The following MBD5 variants were observed in gnomAD, a reference collection of about 807,000 sequenced individuals.
The protein encoded by MBD5 is methyl-CpG binding domain protein 5.
Under a neutral mutation model 117.3 loss-of-function variants are expected in MBD5, and 13 were observed. The observed-to-expected ratio is 0.11, with a 90% CI of 0.07 to 0.18. The LOEUF (loss-of-function observed/expected upper bound fraction) is 0.18. Among genes scored for constraint, MBD5 ranks in the 10% least tolerant of loss-of-function variants. The probability of loss-of-function intolerance (pLI) is 1.00; values close to 1 mark genes in which losing one functional copy is unlikely to be tolerated. For synonymous variants in MBD5, 727 were observed against 766.4 expected (o/e 0.95, Z 0.85); for missense variants, 1,879 against 2,093.8 (o/e 0.90, Z 2.00).
At chr2:148,425,201 A>T (rs199562172) in intron 4 of MBD5, among the ~76,000 whole-genome samples, 26 of 152,226 alleles carry the variant, frequency 1.7e-4, no homozygotes, top group African/African-American at 5.1e-4. Context: ...TGATAAAGGG[A>T]ATATCACCAC....
At chr2:148,075,320 G>GAA (rs1695480320) in intron 1 of MBD5, among the ~76,000 whole-genome samples, 1 of 152,188 alleles carries the variant, frequency 6.6e-6, no homozygotes, top group South Asian at 2.1e-4. Flanking sequence ...TTTGAAACCA[G>GAA]AATGAGGGTC....
intron 4 of MBD5, among the ~76,000 whole-genome samples, chr2:148,425,013 A>T (rs1483891610): frequency 6.6e-6 from 1 of 152,218 alleles, no homozygotes; most frequent in East Asian, 1.9e-4. Flanking sequence ...AAGCTAGCAG[A>T]AGACAAGAAA....
intron 1 of MBD5, among the ~76,000 whole-genome samples, chr2:148,089,078 TTAAAG>T (rs1695870351): frequency 6.6e-6 from 1 of 152,022 alleles, no homozygotes; most frequent in African/African-American, 2.4e-5. Context: ...AAAACAGACT[TTAAAG>T]TAACAACAGT....
At chr2:148,396,493 T>C (rs552803387) in intron 4 of MBD5, among the ~76,000 whole-genome samples, 1 of 152,362 alleles carries the variant, frequency 6.6e-6, no homozygotes, top group African/African-American at 2.4e-5. Flanking sequence ...TTTTTTCCTT[T>C]TGTAGATTCC....
chr2:148,183,735 C>T (rs901648121), intron 2 of MBD5, among the ~76,000 whole-genome samples: 5 of 152,070 alleles, frequency 3.3e-5, no homozygotes, highest in African/African-American at 9.7e-5. Flanking sequence ...TTACTTCACA[C>T]GTCTTTTAAT....
intron 4 of MBD5, among the ~76,000 whole-genome samples, chr2:148,431,062 T>C (rs529216750): frequency 6.6e-6 from 1 of 152,234 alleles, no homozygotes; most frequent in African/African-American, 2.4e-5. Flanking sequence ...CCCCCTACTT[T>C]GGAGAGGAAC....
At chr2:148,442,278 A>T (rs1706351417) in intron 4 of MBD5, among the ~76,000 whole-genome samples, 1 of 151,338 alleles carries the variant, frequency 6.6e-6, no homozygotes, top group African/African-American at 2.5e-5. Context: ...AATAGTGTTC[A>T]TCATTCACTC....
intron 4 of MBD5, among the ~76,000 whole-genome samples, chr2:148,380,903 G>A (rs1704122077): frequency 6.6e-6 from 1 of 152,194 alleles, no homozygotes; most frequent in African/African-American, 2.4e-5. Flanking sequence ...ACCTGCAGCT[G>A]AGGGTCCTGA....
intron 11 of MBD5, among the ~76,000 whole-genome samples, chr2:148,502,095 T>C (rs1021911218): frequency 2.6e-5 from 4 of 152,234 alleles, no homozygotes; most frequent in African/African-American, 7.2e-5. Flanking sequence ...AGTCTGATAC[T>C]ACAGATTTGC....
chr2:148,499,809 CG>C (rs995748977), intron 11 of MBD5, among the ~76,000 whole-genome samples: 1 of 151,956 alleles, frequency 6.6e-6, no homozygotes, highest in African/African-American at 2.4e-5. Flanking sequence ...CCATTTTGGG[CG>C]GGGGTATCTT....
chr2:148,463,683 C>CT, intron 6 of MBD5, 56 bp from the exon 7 acceptor site: 1 of 1,587,664 alleles, frequency 6.3e-7, no homozygotes, highest in Non-Finnish European at 8.6e-7. Flanking sequence ...ACAAAGGGAT[C>CT]TTTTTATTAA....
chr2:148,159,658 A>G (rs1239150635), intron 1 of MBD5, among the ~76,000 whole-genome samples: 1 of 152,182 alleles, frequency 6.6e-6, no homozygotes, highest in Non-Finnish European at 1.5e-5. Flanking sequence ...ATACTCATTA[A>G]GACTCAACCC....
At chr2:148,330,025 A>C in intron 3 of MBD5, among the ~76,000 whole-genome samples, 1 of 99,324 alleles carries the variant, frequency 1.0e-5, no homozygotes, top group African/African-American at 3.7e-5. Context: ...CCTTGGTTGT[A>C]GGTAAGAACC....
chr2:148,468,695 CAAG>C lies in MBD5; in HGVS notation c.756_758del (p.Arg252del), dbSNP rs1680677591. ...CCACTTGGAAGTCCTGATGTTTTCA[CAAG>C]AAGTAATCCTGGTTTTCATGGAGCT... is the stretch of plus-strand genomic sequence containing the variant. On this transcript the variant is annotated inframe_deletion, in exon 8 of 14. Transcript: ENST00000642680. 1 of 1,613,914 alleles carries C rather than the reference CAAG, an allele frequency of 6.2e-7. No individual in the cohort carries two copies. The highest frequency in any genetic ancestry group is 8.5e-7 in the Non-Finnish European group (1 of 1,179,884).
In MBD5 at chr2:148,456,481, T is replaced by C. The variant is rs569581955; in HGVS notation, c.-556-1722T>C. Among the ~76,000 whole-genome samples the C allele has an allele frequency of 1.3e-4, 20 of 152,284 alleles. No homozygotes were observed. The South Asian group carries it at 3.9e-3, about 30-fold the overall frequency. ...CATTCAGACCACAGTACTTACCATC[T>C]TTGTACTCCCAGCACCTAGCATAGT... is the stretch of plus-strand genomic sequence containing the variant. On this transcript the variant is annotated intron_variant, in intron 4 of 13. Transcript: ENST00000642680.
At chr2:148,035,976 G>A (rs142866885) in intron 1 of MBD5, among the ~76,000 whole-genome samples, 15 of 152,246 alleles carry the variant, frequency 9.9e-5, no homozygotes, top group African/African-American at 3.6e-4. Context: ...ATAGAAAATA[G>A]TGACTAGTAT....
intron 2 of MBD5, among the ~76,000 whole-genome samples, chr2:148,182,665 A>G (rs1157514951): frequency 1.3e-5 from 2 of 152,204 alleles, no homozygotes; most frequent in Admixed American, 6.5e-5. Context: ...ATCTTTGACA[A>G]TTATATACAT....
chr2:148,042,456 G>T (rs929440407), intron 1 of MBD5, among the ~76,000 whole-genome samples: 105 of 151,520 alleles, frequency 6.9e-4, no homozygotes, highest in African/African-American at 2.3e-3. Context: ...AGAGGCCAAA[G>T]AACCTTTTTT....
chr2:148,279,890 C>T (rs1701200859), intron 3 of MBD5, among the ~76,000 whole-genome samples: 1 of 151,924 alleles, frequency 6.6e-6, no homozygotes, highest in Non-Finnish European at 1.5e-5. Flanking sequence ...CTCAAGTGAT[C>T]CTCCCGCCTC....
Sources: allele counts gnomAD v4.1 joint callset (sites outside exome capture counted in the v4.1 genomes callset), GRCh38; gene constraint gnomAD v4.1.1; transcripts MANE v1.5; gene names NCBI Gene and HGNC (gene_info 2026-07-23, HGNC 2026-07-21).